The following MARK1 variants were observed in gnomAD, a reference collection of about 807,000 sequenced individuals.
MARK1 encodes the protein microtubule affinity regulating kinase 1.
Under a neutral mutation model 96.3 loss-of-function variants are expected in MARK1, and 40 were observed. The ratio of observed to expected loss-of-function variants is 0.42; its 90% confidence interval spans 0.32 to 0.54. The LOEUF is 0.54. MARK1 is among the 20% of genes least tolerant of loss of function. The pLI, the probability that MARK1 is intolerant of heterozygous loss-of-function variation, is 0.16. For missense variants in MARK1, 719 were observed against 984.6 expected, an observed-to-expected ratio of 0.73 and a Z score of 3.61; for synonymous variants, 317 against 341.2, an observed-to-expected ratio of 0.93 and a Z score of 0.78.
At chr1:220,585,650 C>T (rs1322998444) in intron 3 of MARK1, among the ~76,000 whole-genome samples, 1 of 152,132 alleles carries the variant, frequency 6.6e-6, no homozygotes, top group South Asian at 2.1e-4. Context: ...GCTAATATCC[C>T]TCAAATTAAA....
chr1:220,631,769 A>G (rs376173811), intron 10 of MARK1, among the ~76,000 whole-genome samples: 59 of 152,262 alleles, frequency 3.9e-4, no homozygotes, highest in African/African-American at 1.4e-3. Flanking sequence ...TGGAAATTCA[A>G]ATCTCCCAAA....
intron 9 of MARK1, among the ~76,000 whole-genome samples, chr1:220,624,466 C>T (rs939699511): frequency 4.0e-5 from 6 of 151,510 alleles, no homozygotes; most frequent in African/African-American, 1.2e-4. Flanking sequence ...AGGCATGGTG[C>T]CCATGCCTGT....
intron 1 of MARK1, among the ~76,000 whole-genome samples, chr1:220,529,250 A>G (rs1420554832): frequency 1.3e-5 from 2 of 152,164 alleles, no homozygotes; most frequent in Non-Finnish European, 2.9e-5. Flanking sequence ...TTACAATAGC[A>G]GACGAGCCGG....
intron 11 of MARK1, among the ~76,000 whole-genome samples, 167 bp downstream of exon 11, chr1:220,632,480 G>T (rs1163897927): frequency 6.6e-6 from 1 of 152,046 alleles, no homozygotes; most frequent in South Asian, 2.1e-4. Flanking sequence ...TGTATTTCTG[G>T]GTACCAAGAG....
intron 1 of MARK1, among the ~76,000 whole-genome samples, chr1:220,530,474 C>G (rs545537042): frequency 3.3e-5 from 5 of 152,060 alleles, no homozygotes; most frequent in Non-Finnish European, 7.4e-5. Flanking sequence ...AGATGATAAC[C>G]TTTGTTTTTA....
chr1:220,627,797 A>C (rs887680718), intron 9 of MARK1: 1 of 155,610 alleles, frequency 6.4e-6, no homozygotes, highest in Non-Finnish European at 1.4e-5. Context: ...CTTATTGAAC[A>C]TTCTAGAAGG....
At chr1:220,628,133 T>G (rs1191793762) in intron 9 of MARK1, 4 of 152,282 alleles carry the variant, frequency 2.6e-5, no homozygotes, top group East Asian at 3.8e-4. Flanking sequence ...CTCACTCATC[T>G]GTTTGCTGTA....
At chr1:220,573,797 A>ATGTAGTATATATGTAGTATATAT (rs1360889593) in intron 1 of MARK1, among the ~76,000 whole-genome samples, 13 of 29,582 alleles carry the variant, frequency 4.4e-4, no homozygotes, top group African/African-American at 6.8e-4. Context: ...ATTGTAGTAT[A>ATGTAGTATATATGTAGTATATAT]TGTAGTATAT....
intron 3 of MARK1, among the ~76,000 whole-genome samples, chr1:220,586,744 CT>C (rs977844409): frequency 1.1e-4 from 16 of 152,296 alleles, no homozygotes; most frequent in African/African-American, 3.6e-4. Context: ...GGCTTAGAGT[CT>C]TTAAGTCACC....
chr1:220,545,921 G>A (rs2102726772), intron 1 of MARK1, among the ~76,000 whole-genome samples: 1 of 152,128 alleles, frequency 6.6e-6, no homozygotes, highest in South Asian at 2.1e-4. Context: ...TTCCCTTACT[G>A]GGCCTGCACA....
intron 1 of MARK1, among the ~76,000 whole-genome samples, chr1:220,538,125 T>C (rs1660856376): frequency 6.6e-6 from 1 of 150,618 alleles, no homozygotes; most frequent in African/African-American, 2.4e-5. Flanking sequence ...CCATTGCTTT[T>C]GGTGTTTTAG....
rs1177224700 is a variant in MARK1, at chr1:220,587,269, CTTCCTTCT to C, written c.309+6159_309+6166del. ...ATATAGTCTCTCCTTTCCTTCCTTC[CTTCCTTCT>C]TTCCTTCCTTCCTTCCTTCCTTCCT... On this transcript the variant is annotated intron_variant, in intron 3 of 17. Transcript: ENST00000366917. Among the ~76,000 whole-genome samples, 4 of 150,846 alleles carry C rather than the reference CTTCCTTCT, an allele frequency of 2.7e-5. No homozygotes were observed. In the East Asian group the frequency reaches 7.7e-4, roughly 29 times the overall value.
chr1:220,559,954 G>A (rs1662549351), intron 1 of MARK1, among the ~76,000 whole-genome samples: 1 of 152,176 alleles, frequency 6.6e-6, no homozygotes, highest in Admixed American at 6.6e-5. Flanking sequence ...TGCTGATAAA[G>A]ACATACCCAA....
chr1:220,576,101 C>T (rs898757496), intron 1 of MARK1, among the ~76,000 whole-genome samples: 1 of 58,344 alleles, frequency 1.7e-5, no homozygotes, highest in African/African-American at 6.4e-5. Flanking sequence ...TCCCTTTTCT[C>T]TTGTGTTTAC....
intron 1 of MARK1, among the ~76,000 whole-genome samples, chr1:220,552,660 A>G (rs1661945547): frequency 1.3e-5 from 2 of 152,212 alleles, no homozygotes; most frequent in Admixed American, 6.5e-5. Context: ...AATGGTGAAA[A>G]TGTATTCTGT....
chr1:220,637,942 C>A (rs1668058860), intron 13 of MARK1, among the ~76,000 whole-genome samples: 2 of 151,760 alleles, frequency 1.3e-5, no homozygotes, highest in Non-Finnish European at 2.9e-5. Flanking sequence ...TCCACTGGAG[C>A]CTTACCTCTT....
intron 17 of MARK1, among the ~76,000 whole-genome samples, chr1:220,658,501 C>T (rs890489629): frequency 3.9e-5 from 6 of 152,090 alleles, no homozygotes; most frequent in African/African-American, 1.4e-4. Flanking sequence ...GTTCTAGGGA[C>T]CACATTATGG....
chr1:220,631,998 A>G (rs1433060749), intron 10 of MARK1, among the ~76,000 whole-genome samples: 2 of 152,176 alleles, frequency 1.3e-5, no homozygotes, highest in Non-Finnish European at 2.9e-5. Context: ...GATGTAGGTA[A>G]TTTCTGCATG....
chr1:220,605,885 G>T (rs1056762276), intron 6 of MARK1, among the ~76,000 whole-genome samples: 1 of 152,132 alleles, frequency 6.6e-6, no homozygotes, highest in Non-Finnish European at 1.5e-5. Flanking sequence ...TGGTGTATAT[G>T]TGCCACATTT....
Sources: allele counts gnomAD v4.1 joint callset (sites outside exome capture counted in the v4.1 genomes callset), GRCh38; gene constraint gnomAD v4.1.1; transcripts MANE v1.5; gene names NCBI Gene and HGNC (gene_info 2026-07-23, HGNC 2026-07-21).